Variants in SLC24A2 observed in about 807,000 individuals in gnomAD.
The protein encoded by SLC24A2 is solute carrier family 24 member 2.
SLC24A2 carries 36 observed loss-of-function variants against 62.0 expected under a neutral mutation model. The observed-to-expected ratio is 0.58, with a 90% CI of 0.44 to 0.77. SLC24A2 has a LOEUF of 0.77. Among genes scored for constraint, SLC24A2 ranks in the 30% least tolerant of loss-of-function variants. The probability of loss-of-function intolerance (pLI) is 0.00; values close to 1 mark genes in which losing one functional copy is unlikely to be tolerated. For missense variants in SLC24A2, 846 were observed against 817.9 expected (o/e 1.03, Z -0.42); for synonymous variants, 358 against 294.0 (o/e 1.22, Z -2.23).
At chr9:19,970,755 G>A in the SLC24A2 span, among the ~76,000 whole-genome samples, 1 of 152,020 alleles carries the variant, frequency 6.6e-6, no homozygotes, top group Non-Finnish European at 1.5e-5. Context: ...TTTTCAGTTA[G>A]TAGGAGAAAA....
At chr9:20,154,990 T>A in the SLC24A2 span, among the ~76,000 whole-genome samples, 2 of 151,604 alleles carry the variant, frequency 1.3e-5, no homozygotes, top group Non-Finnish European at 1.5e-5. Flanking sequence ...TTCCTGTAAG[T>A]TCCTTCAACA....
At chr9:19,887,872 C>A in the SLC24A2 span, among the ~76,000 whole-genome samples, 15 of 152,166 alleles carry the variant, frequency 9.9e-5, no homozygotes, top group Admixed American at 3.9e-4. Flanking sequence ...CTAGATGGAA[C>A]TGGAGACTAT....
the SLC24A2 span, among the ~76,000 whole-genome samples, chr9:19,855,690 G>A: frequency 0.061 from 9,211 of 152,146 alleles, 429 homozygotes; most frequent in East Asian, 0.21. Flanking sequence ...TTTTGTAGGT[G>A]TCCTGCCTTT....
At chr9:19,994,512 C>T in the SLC24A2 span, among the ~76,000 whole-genome samples, 1 of 152,140 alleles carries the variant, frequency 6.6e-6, no homozygotes, top group Non-Finnish European at 1.5e-5. Context: ...TTTTCACGTT[C>T]GCTCATTCAC....
At chr9:19,518,338 CAT>C (rs1833033528) in intron 10 of SLC24A2, among the ~76,000 whole-genome samples, 2 of 151,994 alleles carry the variant, frequency 1.3e-5, no homozygotes, top group Admixed American at 6.6e-5. Context: ...TAATTTCAAT[CAT>C]GTGAAATACA....
At chr9:20,214,205 T>C in the SLC24A2 span, among the ~76,000 whole-genome samples, 1 of 152,126 alleles carries the variant, frequency 6.6e-6, no homozygotes, top group Non-Finnish European at 1.5e-5. Context: ...CGTGAGGCGA[T>C]AGGAAGGTGG....
At chr9:19,749,724 T>C (rs1821929335) in intron 2 of SLC24A2, among the ~76,000 whole-genome samples, 1 of 152,222 alleles carries the variant, frequency 6.6e-6, no homozygotes, top group Admixed American at 6.5e-5. Context: ...AATGACTCCT[T>C]GTATAATGAA....
At chr9:19,825,646 A>C in the SLC24A2 span, among the ~76,000 whole-genome samples, 1 of 152,170 alleles carries the variant, frequency 6.6e-6, no homozygotes, top group Non-Finnish European at 1.5e-5. Flanking sequence ...GTAGGGTCTA[A>C]CTTCAGCATA....
At chr9:20,052,022 T>C in the SLC24A2 span, among the ~76,000 whole-genome samples, 1 of 152,192 alleles carries the variant, frequency 6.6e-6, no homozygotes, top group African/African-American at 2.4e-5. Context: ...GTGCTTAAAA[T>C]AGTTCCCGGA....
intron 2 of SLC24A2, among the ~76,000 whole-genome samples, chr9:19,712,709 G>A (rs985432052): frequency 2.6e-5 from 4 of 152,110 alleles, no homozygotes; most frequent in African/African-American, 9.7e-5. Flanking sequence ...ATGGCCTGTT[G>A]TGTTTATTTA....
At chr9:20,008,439 C>G in the SLC24A2 span, among the ~76,000 whole-genome samples, 1 of 152,132 alleles carries the variant, frequency 6.6e-6, no homozygotes, top group African/African-American at 2.4e-5. Context: ...GTGAACTTCA[C>G]TCTACTTCTT....
chr9:19,998,780 G>A, the SLC24A2 span, among the ~76,000 whole-genome samples: 3 of 152,188 alleles, frequency 2.0e-5, no homozygotes, highest in African/African-American at 7.2e-5. Flanking sequence ...CCCACCCCTG[G>A]GGGGATTCAG....
chr9:20,265,210 C>T, the SLC24A2 span, among the ~76,000 whole-genome samples: 6 of 152,280 alleles, frequency 3.9e-5, no homozygotes, highest in East Asian at 1.9e-4. Flanking sequence ...TCAGAGCAGC[C>T]GGCAGTGGGT....
At position 19,520,894 on chromosome 9, in the gene SLC24A2, C is replaced by A; in HGVS notation, c.1736G>T (p.Gly579Val). The A allele has an allele frequency of 6.2e-7, 1 of 1,613,714 alleles. No homozygotes were observed. Among genetic ancestry groups the A allele is most frequent in the South Asian group, 1.1e-5 (1 of 91,050 alleles). Residue 579 changes from glycine to valine, a missense_variant and splice_region_variant, in exon 10 of 11, where the codon GGG becomes GTG. Coordinates refer to ENST00000341998, the MANE Select transcript of SLC24A2 (RefSeq NM_020344.4). ...VGSNIFDITV[G>V]LPLPWLLYTV... is the part of the protein sequence containing the mutation. ...CCTTTGTAGAACTACCTCTACTCACCCTACAGTGATGTCAAAAATGTTGCT... is the reference window on the plus strand; with the variant it reads ...CCTTTGTAGAACTACCTCTACTCACACTACAGTGATGTCAAAAATGTTGCT...
the SLC24A2 span, among the ~76,000 whole-genome samples, chr9:19,851,401 G>A: frequency 6.6e-6 from 1 of 152,046 alleles, no homozygotes; most frequent in Admixed American, 6.6e-5. Flanking sequence ...ATAGGTAAAT[G>A]TGTGCCATGG....
the SLC24A2 span, among the ~76,000 whole-genome samples, chr9:19,989,653 C>A: frequency 6.6e-6 from 1 of 152,178 alleles, no homozygotes; most frequent in Non-Finnish European, 1.5e-5. Flanking sequence ...TTAATCTGAT[C>A]CCTCTGTCAA....
At chr9:20,182,199 C>G in the SLC24A2 span, among the ~76,000 whole-genome samples, 1 of 152,194 alleles carries the variant, frequency 6.6e-6, no homozygotes, top group African/African-American at 2.4e-5. Context: ...ATTAGTTCAA[C>G]CATTGTGGAA....
rs1832560600 is a variant in SLC24A2, at chr9:19,507,916, T to C, written c.*8237A>G. On this transcript the variant is annotated 3_prime_UTR_variant, in exon 11 of 11. Coordinates refer to ENST00000341998, the MANE Select transcript of SLC24A2 (RefSeq NM_020344.4). ...TTACAAAAATGGCATTCTGATATTTTTAACATAACCTGTCTAAAAGACAGT... is the reference window on the plus strand; with the variant it reads ...TTACAAAAATGGCATTCTGATATTTCTAACATAACCTGTCTAAAAGACAGT... 1 of 152,258 alleles carries C rather than the reference T, an allele frequency of 6.6e-6. No individual in the cohort carries two copies. Among genetic ancestry groups the C allele is most frequent in the Non-Finnish European group, 1.5e-5 (1 of 68,044 alleles). The allele number at this position is 152,258 out of a possible 1,614,324, so 9.4% of individuals were successfully genotyped here. A position where few individuals can be genotyped will look rare whatever the true frequency, so the allele number is the denominator to read the frequency against.
chr9:19,983,652 GA>G, the SLC24A2 span, among the ~76,000 whole-genome samples: 2,226 of 151,606 alleles, frequency 0.015, 51 homozygotes, highest in African/African-American at 0.05. Flanking sequence ...CAAAAGAAAA[GA>G]AAAAAATGTT....
Sources: allele counts gnomAD v4.1 joint callset (sites outside exome capture counted in the v4.1 genomes callset), GRCh38; gene constraint gnomAD v4.1.1; transcripts MANE v1.5; gene names NCBI Gene and HGNC (gene_info 2026-07-23, HGNC 2026-07-21).